Variants in NAV2 observed in about 807,000 individuals in gnomAD.
The protein encoded by NAV2 is helicase, APC down-regulated 1.
NAV2 carries 54 observed loss-of-function variants against 223.2 expected under a neutral mutation model. The observed-to-expected ratio is 0.24, with a 90% confidence interval of 0.19 to 0.30. The LOEUF is 0.30. Ranked by LOEUF, NAV2 falls within the 10% of genes least tolerant of loss-of-function variation. The probability of loss-of-function intolerance (pLI) is 1.00; values close to 1 mark genes in which losing one functional copy is unlikely to be tolerated. For synonymous variants in NAV2, 1,279 were observed against 1,239.3 expected, an observed-to-expected ratio of 1.03 and a Z score of -0.67; for missense variants, 2,806 against 3,147.5, an observed-to-expected ratio of 0.89 and a Z score of 2.60.
intron 1 of NAV2, among the ~76,000 whole-genome samples, chr11:19,602,658 T>G (rs1277557275): frequency 1.3e-5 from 2 of 152,114 alleles, no homozygotes; most frequent in African/African-American, 4.8e-5. Flanking sequence ...AGGAAAGTCC[T>G]TCCTTGCCTC....
chr11:19,547,812 A>G (rs958203538), intron 1 of NAV2, among the ~76,000 whole-genome samples: 2 of 152,212 alleles, frequency 1.3e-5, no homozygotes, highest in Non-Finnish European at 2.9e-5. Flanking sequence ...CTGAGAACTC[A>G]CTTTTACTAT....
chr11:19,783,642 A>AC (rs2152690327), intron 1 of NAV2, among the ~76,000 whole-genome samples: 1 of 152,092 alleles, frequency 6.6e-6, no homozygotes, highest in Admixed American at 6.6e-5. Flanking sequence ...GGATAGTCAA[A>AC]CCCCCCTTCC....
chr11:19,595,158 G>A (rs539200680), intron 1 of NAV2, among the ~76,000 whole-genome samples: 1 of 152,248 alleles, frequency 6.6e-6, no homozygotes, highest in East Asian at 1.9e-4. Context: ...CTCCACTGCT[G>A]TGTTTATCCA....
In NAV2 at chr11:20,026,602, G is replaced by T. The variant is rs556165534; in HGVS notation, c.2769-9357G>T. On this transcript the variant is annotated intron_variant, in intron 11 of 37. Coordinates refer to ENST00000349880, the MANE Select transcript of NAV2 (RefSeq NM_145117.5). Reference sequence around the variant, plus strand: ...CGGGATTACAGGCGTGAGCCATCGTGCCTGGCCAGCTTGCTTATAGTTTTA... The same window carrying T: ...CGGGATTACAGGCGTGAGCCATCGTTCCTGGCCAGCTTGCTTATAGTTTTA... Among the ~76,000 whole-genome samples, 46 of 152,284 alleles carry T rather than the reference G, an allele frequency of 3.0e-4. No individual in the cohort carries two copies. The East Asian group carries it at 8.7e-3, about 29-fold the overall frequency.
chr11:19,430,382 T>C (rs1850997483), intron 1 of NAV2, among the ~76,000 whole-genome samples: 1 of 152,174 alleles, frequency 6.6e-6, no homozygotes, highest in African/African-American at 2.4e-5. Flanking sequence ...CCTTCTTCAG[T>C]CCCCTCTCGC....
At chr11:19,503,744 G>A (rs1421558591) in intron 1 of NAV2, 1 of 152,172 alleles carries the variant, frequency 6.6e-6, no homozygotes, top group Non-Finnish European at 1.5e-5. Flanking sequence ...TGTGGATAAA[G>A]CTGCAATAAA....
At chr11:19,375,062 T>A (rs768098813) in intron 1 of NAV2, among the ~76,000 whole-genome samples, 4 of 152,224 alleles carry the variant, frequency 2.6e-5, no homozygotes, top group Non-Finnish European at 4.4e-5. Flanking sequence ...TCTAGGCACA[T>A]TGGAAGCTCC....
At chr11:19,945,165 CCCTTCCCTTCCCT>C (rs2046818521) in intron 8 of NAV2, among the ~76,000 whole-genome samples, 2 of 43,922 alleles carry the variant, frequency 4.6e-5, no homozygotes, top group African/African-American at 2.2e-4. Context: ...CCCTTCCCTT[CCCTTCCCTTCCCT>C]TCCCTTCCCT....
At chr11:19,708,828 A>G (rs1031144893), upstream of NAV2, among the ~76,000 whole-genome samples, 6 of 151,906 alleles carry the variant, frequency 3.9e-5, no homozygotes, top group Non-Finnish European at 8.8e-5. Context: ...AAAATAAAGA[A>G]TGGTTGTCAA....
At chr11:19,993,833 C>T (rs559419959) in intron 11 of NAV2, among the ~76,000 whole-genome samples, 1 of 152,330 alleles carries the variant, frequency 6.6e-6, no homozygotes, top group Non-Finnish European at 1.5e-5. Context: ...ACCATGTTTT[C>T]ATATGTAATG....
Position 19,744,490 on chromosome 11 carries a change from A to G in NAV2, c.267+30528A>G, listed in dbSNP as rs539169638. The stretch of plus-strand genomic sequence containing the variant: ...GAGGATGGAGGAAGGAGCACCACTA[A>G]TTGTGGTAAACCCATAATTAGTTCT... On this transcript the variant is annotated intron_variant, in intron 1 of 37. Transcript: ENST00000349880. 5.0e-4 allele frequency among the ~76,000 whole-genome samples: 76 copies of G among 152,298 alleles called. No homozygotes were observed. The South Asian group carries it at 0.015, about 30-fold the overall frequency.
intron 1 of NAV2, among the ~76,000 whole-genome samples, chr11:19,391,254 C>G (rs186844649): frequency 2.7e-4 from 41 of 152,262 alleles, no homozygotes; most frequent in Admixed American, 5.2e-4. Flanking sequence ...TGCCTCTGGC[C>G]TGTCCCCCTG....
chr11:19,348,282 T>C (rs1260776443), upstream of NAV2, among the ~76,000 whole-genome samples: 2 of 152,174 alleles, frequency 1.3e-5, no homozygotes, highest in African/African-American at 4.8e-5. Flanking sequence ...GCAGCCCCGA[T>C]GGAGAAGGCC....
At chr11:19,989,914 TA>T (rs1565713697) in intron 11 of NAV2, among the ~76,000 whole-genome samples, 1 of 152,204 alleles carries the variant, frequency 6.6e-6, no homozygotes, top group Non-Finnish European at 1.5e-5. Context: ...AGAGATTCCC[TA>T]ATTTTGAGTT....
intron 1 of NAV2, among the ~76,000 whole-genome samples, chr11:19,695,335 T>G (rs2036941496): frequency 1.3e-5 from 2 of 152,332 alleles, no homozygotes; most frequent in South Asian, 4.1e-4. Flanking sequence ...TTCTTTGTAC[T>G]TCAGTTTTCT....
At chr11:19,656,892 A>G (rs945354280) in intron 1 of NAV2, among the ~76,000 whole-genome samples, 3 of 152,178 alleles carry the variant, frequency 2.0e-5, no homozygotes. Context: ...GTGTGAGGGG[A>G]AAAAAGAATC....
At chr11:19,751,597 C>T (rs544411131) in intron 1 of NAV2, among the ~76,000 whole-genome samples, 3 of 152,322 alleles carry the variant, frequency 2.0e-5, no homozygotes, top group African/African-American at 7.2e-5. Flanking sequence ...CCGATAAACA[C>T]GAGCTTGCTC....
intron 5 of NAV2, among the ~76,000 whole-genome samples, chr11:19,888,079 A>G (rs1340488204): frequency 3.3e-5 from 5 of 152,068 alleles, no homozygotes; most frequent in Admixed American, 6.6e-5. Flanking sequence ...GGAGAAATTG[A>G]CCATGGCTCT....
chr11:19,662,372 C>A (rs1382516004), intron 1 of NAV2, among the ~76,000 whole-genome samples: 1 of 152,192 alleles, frequency 6.6e-6, no homozygotes, highest in African/African-American at 2.4e-5. Context: ...CCCAAGGTGG[C>A]CTTACTCCCT....
Sources: gnomAD v4.1 joint callset for allele counts (sites outside exome capture counted in the v4.1 genomes callset) on GRCh38, gnomAD v4.1.1 for gene constraint, MANE v1.5 for transcripts, NCBI Gene and HGNC (gene_info 2026-07-23, HGNC 2026-07-21) for gene names.